SGO2: variants seen among roughly 807,000 people sequenced by gnomAD.
The protein encoded by SGO2 is shugoshin 2.
SGO2 carries 68 observed loss-of-function variants against 99.5 expected under a neutral mutation model. The ratio of observed to expected loss-of-function variants is 0.68; its 90% CI spans 0.56 to 0.84. The LOEUF (loss-of-function observed/expected upper bound fraction) is 0.84, where lower values mean the gene tolerates loss of function less well. Among genes scored for constraint, SGO2 ranks in the 40% least tolerant of loss-of-function variants. SGO2 has a pLI of 0.00. For missense variants in SGO2, 1,350 were observed against 1,436.7 expected, an observed-to-expected ratio of 0.94 and a Z score of 0.97; for synonymous variants, 457 against 487.1, an observed-to-expected ratio of 0.94 and a Z score of 0.81.
intron 4 of SGO2, among the ~76,000 whole-genome samples, chr2:200,541,242 G>T (rs376080170): frequency 2.0e-5 from 3 of 152,174 alleles, no homozygotes; most frequent in African/African-American, 4.8e-5. Flanking sequence ...TGATATGCAA[G>T]CTAACTAATC....
Position 200,570,935 on chromosome 2 carries a change from A to AG in SGO2, c.704-115_704-114insG, listed in dbSNP as rs2033387768. The AG allele has an allele frequency of 1.1e-6, 1 of 939,596 alleles. No individual in the cohort carries two copies. Among genetic ancestry groups the AG allele is most frequent in the Non-Finnish European group, 1.6e-6 (1 of 642,400 alleles). 58.2% of individuals were successfully genotyped at this position (939,596 alleles called of 1,614,324 possible). On this transcript the variant is annotated intron_variant, in intron 6 of 8. Coordinates refer to ENST00000357799, the MANE Select transcript of SGO2 (RefSeq NM_152524.6). This position sits in a 1 kb window ranked among gnomAD's most constrained non-coding sequence, Gnocchi z 4.4. ...CTTAGTAATATTAGGATCTGATCAG[A>AG]ACACATTGTCAGAAATTATATCTGT...
intron 5 of SGO2, among the ~76,000 whole-genome samples, chr2:200,552,319 G>C (rs560587022): frequency 7.5e-4 from 114 of 152,274 alleles, no homozygotes; most frequent in African/African-American, 2.7e-3. Flanking sequence ...ACAGTTGTGT[G>C]TCACAGTGCT....
chr2:200,548,974 A>G (rs2032353564), intron 5 of SGO2, among the ~76,000 whole-genome samples: 2 of 152,230 alleles, frequency 1.3e-5, no homozygotes, highest in Non-Finnish European at 2.9e-5. Flanking sequence ...AGAAAAGCCC[A>G]GGCTGGGCAC....
In SGO2 at chr2:200,566,839, G is replaced by A. The variant is rs892217641; in HGVS notation, c.474-2824G>A. Among the ~76,000 whole-genome samples, 4 of 152,184 alleles carry A rather than the reference G, an allele frequency of 2.6e-5. No individual in the cohort carries two copies. In the East Asian group the frequency reaches 5.8e-4, roughly 22 times the overall value. On this transcript the variant is annotated intron_variant, in intron 5 of 8. Coordinates refer to ENST00000357799, the MANE Select transcript of SGO2 (RefSeq NM_152524.6). ...CTCAGACTGCTGTGCTAGCAAGAGC[G>A]AGGCTCCGTGGGCGTGGGACCCTCT...
rs747238790 is a variant in SGO2 at position 200,569,854 on chromosome 2, C to G, written c.665C>G (p.Ser222Ter). ...NNQNVYGLDD[S>*]EHISSIVDVP... ...CAAAATGTATATGGTTTAGATGATT[C>G]AGAACATATTTCTTCTATAGTTGAT... The change falls in exon 6 of 9, where the codon TCA becomes TGA. Residue 222 changes from serine (S) to a stop codon, truncating the protein, a stop_gained. Transcript: ENST00000357799. LOFTEE classifies it high-confidence loss of function. 8.1e-6 allele frequency: 13 copies of G among 1,598,504 alleles called. No homozygotes were observed. The South Asian group carries it at 1.4e-4, about 18-fold the overall frequency.
chr2:200,568,437 C>T (rs2106340286), intron 5 of SGO2, among the ~76,000 whole-genome samples: 1 of 152,294 alleles, frequency 6.6e-6, no homozygotes, highest in South Asian at 2.1e-4. Flanking sequence ...AGGCACTAAC[C>T]TTGTCTGAAC....
intron 4 of SGO2, among the ~76,000 whole-genome samples, chr2:200,537,988 A>G (rs1055351362): frequency 4.6e-5 from 7 of 152,150 alleles, no homozygotes; most frequent in Non-Finnish European, 8.8e-5. Context: ...CAATTCTACC[A>G]GTTCTCACAA....
chr2:200,568,754 AC>A (rs2033286494), intron 5 of SGO2, among the ~76,000 whole-genome samples: 1 of 151,964 alleles, frequency 6.6e-6, no homozygotes, highest in South Asian at 2.1e-4. Context: ...AAGTGTTGGC[AC>A]CCCCTTCGCT....
intron 2 of SGO2, 78 bp from the exon 3 acceptor site, chr2:200,534,918 T>C: frequency 2.1e-6 from 2 of 953,080 alleles, no homozygotes; most frequent in Admixed American, 3.9e-5. Flanking sequence ...ATGCATTTTG[T>C]CTATGTTTTA....
chr2:200,573,846 G>A lies in SGO2; in HGVS notation c.3500G>A (p.Gly1167Asp), dbSNP rs773448008. ...EGLVPLSVSSGKNVIIKENFA... is the reference protein window; with the variant it reads ...EGLVPLSVSSDKNVIIKENFA... The stretch of plus-strand genomic sequence containing the variant: ...TTAGTACCTTTGAGCGTTTCTTCTG[G>A]TAAAAATGTGATAATAAAAGAAAAT... The change falls in exon 7 of 9, where the codon GGT becomes GAT. Residue 1167 changes from glycine to aspartate, a missense_variant. Coordinates refer to ENST00000357799, the MANE Select transcript of SGO2 (RefSeq NM_152524.6). 5.6e-6 allele frequency: 9 copies of A among 1,613,110 alleles called. No homozygotes were observed. The Admixed American group carries it at 1.3e-4, about 24-fold the overall frequency.
chr2:200,536,972 AAAAT>A (rs2031725257), intron 4 of SGO2, among the ~76,000 whole-genome samples: 1 of 152,118 alleles, frequency 6.6e-6, no homozygotes, highest in Non-Finnish European at 1.5e-5. Flanking sequence ...ACAAACAAAC[AAAAT>A]AAATATTTTC....
chr2:200,583,624 T>C lies in SGO2; in HGVS notation c.*160T>C. ...TTTGTCCATTCTTAATGTTTATTAA[T>C]AGGTATATGTGCATAAAATAGCTAT... On this transcript the variant is annotated 3_prime_UTR_variant, in exon 9 of 9. Coordinates refer to ENST00000357799, the MANE Select transcript of SGO2 (RefSeq NM_152524.6). 1 of 506,640 alleles carries C rather than the reference T, an allele frequency of 2.0e-6. No individual in the cohort carries two copies. The highest frequency in any genetic ancestry group is 3.9e-5 in the South Asian group (1 of 25,974). The allele number at this position is 506,640 out of a possible 1,614,324, so 31.4% of individuals were successfully genotyped here. A position where few individuals can be genotyped will look rare whatever the true frequency, so the allele number is the denominator to read the frequency against.
intron 5 of SGO2, 42 bp from the exon 6 acceptor site, chr2:200,569,621 A>G: frequency 6.8e-7 from 1 of 1,461,634 alleles, no homozygotes. Flanking sequence ...AAGAAAATTT[A>G]TAAAACACAT....
chr2:200,572,542 CA>C lies in SGO2; in HGVS notation c.2200del (p.Ser734ValfsTer2), dbSNP rs1357945958. ...ISEVNHLDNDKSIEYTVKSHS... is the reference protein window; with the variant it reads ...ISEVNHLDNDXSIEYTVKSHS... The stretch of plus-strand genomic sequence containing the variant: ...CTGAAGTGAATCATTTAGATAATGA[CA>C]AAAGTATAGAATACACAGTTAAAAG... On this transcript the variant is annotated frameshift_variant, in exon 7 of 9. Coordinates refer to ENST00000357799, the MANE Select transcript of SGO2 (RefSeq NM_152524.6). LOFTEE classifies it high-confidence loss of function. The C allele has an allele frequency of 6.2e-7, 1 of 1,611,562 alleles. No homozygotes were observed. Among genetic ancestry groups the C allele is most frequent in the East Asian group, 2.2e-5 (1 of 44,840 alleles).
At chr2:200,531,518 GGA>G (rs1387702389) in intron 1 of SGO2, among the ~76,000 whole-genome samples, 1 of 152,074 alleles carries the variant, frequency 6.6e-6, no homozygotes, top group Non-Finnish European at 1.5e-5. Flanking sequence ...TGTCCTCAGG[GGA>G]GAGGGTGGTT....
chr2:200,554,164 A>C (rs1207891993), intron 5 of SGO2, among the ~76,000 whole-genome samples: 1 of 152,238 alleles, frequency 6.6e-6, no homozygotes, highest in Non-Finnish European at 1.5e-5. Flanking sequence ...GAGAGAAACA[A>C]ACATGCTCCA....
rs1220064416 is a variant in SGO2 at position 200,571,963 on chromosome 2, G to T, written c.1617G>T (p.Val539=). 8 of 1,609,622 alleles carry T rather than the reference G, an allele frequency of 5.0e-6. No individual in the cohort carries two copies. Among genetic ancestry groups the T allele is most frequent in the Non-Finnish European group, 6.8e-6 (8 of 1,178,724 alleles). ...NKSKASRQTF[V]IHKLEKDNLL... ...GTAAAGCTTCTAGACAGACATTTGT[G>T]ATTCACAAATTAGAAAAAGATAACT... is the stretch of plus-strand genomic sequence containing the variant. Residue 539 remains valine (V), a synonymous_variant, in exon 7 of 9, where the codon GTG becomes GTT. Transcript: ENST00000357799.
rs1296778048 is a variant in SGO2, at chr2:200,571,514, AC to A, written c.1169del (p.Thr390LysfsTer6). 3 of 1,611,566 alleles carry A rather than the reference AC, an allele frequency of 1.9e-6. No individual in the cohort carries two copies. Among genetic ancestry groups the A allele is most frequent in the South Asian group, 1.1e-5 (1 of 90,234 alleles). On this transcript the variant is annotated frameshift_variant, in exon 7 of 9. Transcript: ENST00000357799. LOFTEE classifies it high-confidence loss of function. ...CATTAAAAAGAAAAGTAATAAAAAA[AC>A]AAATGAACATGGAATGAAAACTTTC... is the stretch of plus-strand genomic sequence containing the variant. Reference protein sequence around the residue: ...TGIKKKSNKKTNEHGMKTFRK... With the variant: ...TGIKKKSNKKXNEHGMKTFRK...
chr2:200,572,007 A>G lies in SGO2; in HGVS notation c.1661A>G (p.Asp554Gly), dbSNP rs747581756. Reference sequence around the variant, plus strand: ...GATAACTTACTCCCAAACCAAAAGGATAAAGTAACCATTTATGAAAACCTA... The same window carrying G: ...GATAACTTACTCCCAAACCAAAAGGGTAAAGTAACCATTTATGAAAACCTA... ...EKDNLLPNQKDKVTIYENLDV... is the reference protein window; with the variant it reads ...EKDNLLPNQKGKVTIYENLDV... Residue 554 changes from aspartate to glycine, a missense_variant, in exon 7 of 9, where the codon GAT becomes GGT. By Grantham distance (94) the Asp-to-Gly change is moderately conservative. Coordinates refer to ENST00000357799, the MANE Select transcript of SGO2 (RefSeq NM_152524.6). 1.9e-6 allele frequency: 3 copies of G among 1,612,650 alleles called. No homozygotes were observed. Among genetic ancestry groups the G allele is most frequent in the Non-Finnish European group, 2.5e-6 (3 of 1,179,422 alleles).
Sources: allele counts gnomAD v4.1 joint callset (sites outside exome capture counted in the v4.1 genomes callset), GRCh38; gene constraint gnomAD v4.1.1; non-coding constraint Gnocchi (gnomAD v3.1); transcripts MANE v1.5; gene names NCBI Gene and HGNC (gene_info 2026-07-23, HGNC 2026-07-21).